The following HTR4 variants were observed in gnomAD, a reference collection of about 807,000 sequenced individuals.
HTR4 encodes the protein 5-hydroxytryptamine (serotonin) receptor 4, G protein-coupled.
In HTR4, 16 loss-of-function variants were observed where a neutral mutation model predicts 36.8. The ratio of observed to expected loss-of-function variants is 0.43; its 90% CI spans 0.29 to 0.66. The LOEUF is 0.66. Ranked by LOEUF, HTR4 falls within the 30% of genes least tolerant of loss-of-function variation. The pLI is 0.13. For missense variants in HTR4, 438 were observed against 490.9 expected, an observed-to-expected ratio of 0.89 and a Z score of 1.02; for synonymous variants, 189 against 185.1, an observed-to-expected ratio of 1.02 and a Z score of -0.17.
intron 2 of HTR4, among the ~76,000 whole-genome samples, chr5:148,574,982 C>A (rs1281339469): frequency 1.3e-5 from 2 of 152,042 alleles, no homozygotes; most frequent in Non-Finnish European, 2.9e-5. Flanking sequence ...GAGTCAACCT[C>A]TAAACACACT....
chr5:148,492,685 T>C (rs531650891), intron 6 of HTR4, among the ~76,000 whole-genome samples: 28 of 152,360 alleles, frequency 1.8e-4, no homozygotes, highest in African/African-American at 6.7e-4. Context: ...ACGGATGTTA[T>C]CAATTTAACC....
intron 4 of HTR4, among the ~76,000 whole-genome samples, chr5:148,544,466 T>A (rs1226654941): frequency 1.3e-5 from 2 of 152,172 alleles, no homozygotes; most frequent in Non-Finnish European, 2.9e-5. Context: ...CAGTGATATA[T>A]TTCTAGGACA....
chr5:148,586,822 CA>C (rs1267342505), intron 2 of HTR4, among the ~76,000 whole-genome samples: 1 of 152,200 alleles, frequency 6.6e-6, no homozygotes, highest in African/African-American at 2.4e-5. Context: ...AATGAGATAG[CA>C]ACTGATGATT....
chr5:148,459,248 A>G (rs1755204488), intron 5 of HTR4, among the ~76,000 whole-genome samples: 1 of 152,118 alleles, frequency 6.6e-6, no homozygotes, highest in Admixed American at 6.6e-5. Flanking sequence ...GGGGAGGGCA[A>G]TAATAGGGGA....
chr5:148,482,220 C>G lies in HTR4; in HGVS notation c.*983G>C, dbSNP rs1161104250. The G allele has an allele frequency of 3.0e-6, 3 of 985,380 alleles. No homozygotes were observed. The African/African-American group carries it at 5.2e-5, about 17-fold the overall frequency. The allele number at this position is 985,380 out of a possible 1,614,324, so 61.0% of individuals were successfully genotyped here. A position where few individuals can be genotyped will look rare whatever the true frequency, so the allele number is the denominator to read the frequency against. The stretch of plus-strand genomic sequence containing the variant: ...GGAGCTGCAGGGGAAAATGAGTTTC[C>G]CCAGTGTGAACTTCCAACAGTTATC... On this transcript the variant is annotated 3_prime_UTR_variant, in exon 7 of 7. Coordinates refer to ENST00000377888, the MANE Select transcript of HTR4 (RefSeq NM_000870.7).
At chr5:148,453,564 G>T (rs868318904) in intron 5 of HTR4, among the ~76,000 whole-genome samples, 1 of 152,182 alleles carries the variant, frequency 6.6e-6, no homozygotes, top group South Asian at 2.1e-4. Context: ...CAGATGCAAA[G>T]GTCCTGAGGT....
At chr5:148,639,735 C>T (rs541013868) in intron 1 of HTR4, among the ~76,000 whole-genome samples, 5 of 150,242 alleles carry the variant, frequency 3.3e-5, no homozygotes, top group Non-Finnish European at 7.4e-5. Context: ...ACTGTGACAT[C>T]TTCAGTGCCC....
intron 4 of HTR4, among the ~76,000 whole-genome samples, chr5:148,530,031 G>A (rs548780286): frequency 1.3e-5 from 2 of 152,190 alleles, no homozygotes; most frequent in Non-Finnish European, 2.9e-5. Flanking sequence ...CCACCATCAG[G>A]AAGAAATGTT....
downstream of HTR4, among the ~76,000 whole-genome samples, chr5:148,478,805 T>C (rs1755786823): frequency 6.6e-6 from 1 of 152,118 alleles, no homozygotes; most frequent in South Asian, 2.1e-4. Context: ...ATTTTATATG[T>C]GAGAAGATAG....
chr5:148,593,870 A>G (rs1761669557), intron 2 of HTR4, among the ~76,000 whole-genome samples: 1 of 152,192 alleles, frequency 6.6e-6, no homozygotes, highest in Admixed American at 6.6e-5. Context: ...CTTCAACCAT[A>G]CTAAATTTTC....
chr5:148,570,645 G>A (rs1207184442), intron 2 of HTR4, among the ~76,000 whole-genome samples: 1 of 151,996 alleles, frequency 6.6e-6, no homozygotes, highest in Non-Finnish European at 1.5e-5. Flanking sequence ...TGTCAGATGC[G>A]GCCAGCAAGG....
intron 2 of HTR4, among the ~76,000 whole-genome samples, chr5:148,555,226 C>T (rs1048735206): frequency 6.6e-6 from 1 of 152,074 alleles, no homozygotes; most frequent in Non-Finnish European, 1.5e-5. Flanking sequence ...TCCATCAACA[C>T]CACCACCACC....
chr5:148,503,855 T>C (rs1000543306), intron 6 of HTR4, among the ~76,000 whole-genome samples: 8 of 152,140 alleles, frequency 5.3e-5, no homozygotes, highest in African/African-American at 1.9e-4. Flanking sequence ...TAGTCTCTGA[T>C]AAAACAAACT....
Position 148,550,185 on chromosome 5 carries a change from A to C in HTR4, c.104T>G (p.Leu35Trp). 6.2e-7 allele frequency: 1 copy of C among 1,614,144 alleles called. No homozygotes were observed. The highest frequency in any genetic ancestry group is 8.5e-7 in the Non-Finnish European group (1 of 1,180,020). ...FLSTVILMAI[L>W]GNLLVMVAVC... Reference sequence around the variant, plus strand: ...AGCCACCATCACCAGCAGGTTCCCCAAGATGGCCATCAGGATAACCGTCGA... The same window carrying C: ...AGCCACCATCACCAGCAGGTTCCCCCAGATGGCCATCAGGATAACCGTCGA... The change falls in exon 3 of 7, where the codon TTG becomes TGG. Residue 35 changes from leucine (L) to tryptophan (W), a missense_variant. Transcript: ENST00000377888.
intron 2 of HTR4, among the ~76,000 whole-genome samples, chr5:148,575,532 G>C (rs1420886433): frequency 6.6e-6 from 1 of 151,980 alleles, no homozygotes; most frequent in East Asian, 1.9e-4. Context: ...GTACTACCTA[G>C]TAAAGTAGAG....
intron 2 of HTR4, among the ~76,000 whole-genome samples, chr5:148,609,246 C>T (rs1034516988): frequency 1.3e-5 from 2 of 152,140 alleles, no homozygotes; most frequent in Non-Finnish European, 2.9e-5. Flanking sequence ...TTGAATATTA[C>T]CGGCAATTTT....
At chr5:148,549,770 G>T (rs558812891) in intron 3 of HTR4, among the ~76,000 whole-genome samples, 4 of 140,946 alleles carry the variant, frequency 2.8e-5, no homozygotes, top group African/African-American at 9.7e-5. Context: ...AAGTAGAAGT[G>T]CAAAAAACAC....
intron 2 of HTR4, among the ~76,000 whole-genome samples, chr5:148,552,344 T>C (rs569607164): frequency 4.6e-5 from 7 of 152,192 alleles, no homozygotes; most frequent in Non-Finnish European, 8.8e-5. Context: ...AAATATCAGA[T>C]AGGGAAGATT....
At position 148,511,619 on chromosome 5, in the gene HTR4, TTGTG is replaced by T. The variant is rs529668445; in HGVS notation, c.508-1599_508-1596del. Among the ~76,000 whole-genome samples the T allele has an allele frequency of 5.0e-3, 702 of 139,292 alleles. 6 individuals are homozygous for T. The highest frequency in any genetic ancestry group is 6.9e-3 in the Non-Finnish European group (440 of 63,320). The allele number at this position is 139,292 out of a possible 152,430, so 91.4% of individuals were successfully genotyped here. A position where few individuals can be genotyped will look rare whatever the true frequency, so the allele number is the denominator to read the frequency against. ...CTGTTATGAATATTCTTGTGGAAGT[TTGTG>T]TGTGTGTGTGTGTGTGTGTGTGTGT... On this transcript the variant is annotated intron_variant, in intron 5 of 6. Coordinates refer to ENST00000377888, the MANE Select transcript of HTR4 (RefSeq NM_000870.7).
Sources: gnomAD v4.1 joint callset for allele counts (sites outside exome capture counted in the v4.1 genomes callset) on GRCh38, gnomAD v4.1.1 for gene constraint, MANE v1.5 for transcripts, NCBI Gene and HGNC (gene_info 2026-07-23, HGNC 2026-07-21) for gene names.